Variants in TCF12 observed in about 807,000 individuals in gnomAD.
The protein encoded by TCF12 is DNA-binding protein HTF4.
A neutral mutation model predicts 86.0 loss-of-function variants in TCF12; 45 were observed. The ratio of observed to expected loss-of-function variants is 0.52; its 90% CI spans 0.41 to 0.67. The LOEUF (loss-of-function observed/expected upper bound fraction) is 0.67, where lower values mean the gene tolerates loss of function less well. Ranked by LOEUF, TCF12 falls within the 30% of genes least tolerant of loss-of-function variation. The pLI, the probability that TCF12 is intolerant of heterozygous loss-of-function variation, is 0.00. For synonymous variants in TCF12, 330 were observed against 299.6 expected (o/e 1.10, Z -1.05); for missense variants, 881 against 859.9 (o/e 1.02, Z -0.31).
At chr15:57,089,989 A>G (rs1407472399) in intron 4 of TCF12, among the ~76,000 whole-genome samples, 5 of 152,102 alleles carry the variant, frequency 3.3e-5, no homozygotes, top group Non-Finnish European at 5.9e-5. Context: ...CCAAGGCTGG[A>G]GGGTCTCTTG....
chr15:57,248,691 CGT>C (rs2059973016), intron 13 of TCF12, among the ~76,000 whole-genome samples: 1 of 152,182 alleles, frequency 6.6e-6, no homozygotes, highest in Non-Finnish European at 1.5e-5. Flanking sequence ...TAACAAAGTG[CGT>C]TACACTGGAA....
intron 5 of TCF12, among the ~76,000 whole-genome samples, chr15:57,131,459 C>T (rs1457703118): frequency 1.3e-5 from 2 of 152,086 alleles, no homozygotes; most frequent in Admixed American, 1.3e-4. Flanking sequence ...GGTGGTGTTA[C>T]TCTGTTTAGA....
At chr15:57,274,641 G>A (rs2061296045) in intron 19 of TCF12, among the ~76,000 whole-genome samples, 1 of 152,100 alleles carries the variant, frequency 6.6e-6, no homozygotes, top group Admixed American at 6.5e-5. Flanking sequence ...AAGGCAGCAA[G>A]GCACCTATGT....
intron 3 of TCF12, among the ~76,000 whole-genome samples, chr15:57,050,931 G>A (rs946138949): frequency 6.6e-6 from 1 of 152,092 alleles, no homozygotes; most frequent in Non-Finnish European, 1.5e-5. Flanking sequence ...TAAAGTGTTT[G>A]AATATTTATA....
chr15:57,195,134 C>T (rs146141103), intron 7 of TCF12, among the ~76,000 whole-genome samples: 2,077 of 152,236 alleles, frequency 0.014, 53 homozygotes, highest in African/African-American at 0.043. Flanking sequence ...AACTCCTGAC[C>T]TCAAGTGGTC....
At position 57,196,837 on chromosome 15, in the gene TCF12, A is replaced by G. The variant is rs1018851622; in HGVS notation, c.527-936A>G. ...TTGTGGTTATAGCCACATAATGTTA[A>G]AAGTAAATGTGTCAAATACTGAATG... On this transcript the variant is annotated intron_variant, in intron 7 of 20. Transcript: ENST00000333725. Among the ~76,000 whole-genome samples, 21 of 152,220 alleles carry G rather than the reference A, an allele frequency of 1.4e-4. 1 individual carries two copies. The highest frequency in any genetic ancestry group is 9.8e-4 in the Admixed American group (15 of 15,278).
At position 57,075,804 on chromosome 15, in the gene TCF12, T is replaced by TTCTCTCTCTCTCTCTCTC. The variant is rs1244304206; in HGVS notation, c.222+11995_222+12012dup. ...TTTCTTTCTTTCTTTCTTTCTTTCTTTCTCTCTCTCTCTCTCTCTCTCTCT... is the reference window on the plus strand; with the variant it reads ...TTTCTTTCTTTCTTTCTTTCTTTCTTTCTCTCTCTCTCTCTCTCTCTCTCTCTCTCTCTCTCTCTCTCT... On this transcript the variant is annotated intron_variant, in intron 4 of 20. Transcript: ENST00000333725. Among the ~76,000 whole-genome samples, 212 of 28,582 alleles carry TTCTCTCTCTCTCTCTCTC rather than the reference T, an allele frequency of 7.4e-3. 7 individuals are homozygous for TTCTCTCTCTCTCTCTCTC. Among genetic ancestry groups the TTCTCTCTCTCTCTCTCTC allele is most frequent in the East Asian group, 0.022 (15 of 688 alleles). The allele number at this position is 28,582 out of a possible 152,430, so 18.8% of individuals were successfully genotyped here. A position where few individuals can be genotyped will look rare whatever the true frequency, so the allele number is the denominator to read the frequency against.
At chr15:57,078,611 C>T (rs1174721383) in intron 4 of TCF12, among the ~76,000 whole-genome samples, 2 of 150,918 alleles carry the variant, frequency 1.3e-5, no homozygotes, top group Non-Finnish European at 2.9e-5. Flanking sequence ...TATCACACTT[C>T]CATATGCATA....
intron 5 of TCF12, among the ~76,000 whole-genome samples, chr15:57,104,326 G>A (rs1313161892): frequency 6.6e-6 from 1 of 151,912 alleles, no homozygotes; most frequent in Non-Finnish European, 1.5e-5. Flanking sequence ...AAATATTATT[G>A]GCAGACTTTT....
chr15:57,262,374 A>G (rs1567009371), intron 17 of TCF12, among the ~76,000 whole-genome samples, 166 bp downstream of exon 17: 1 of 152,136 alleles, frequency 6.6e-6, no homozygotes, highest in African/African-American at 2.4e-5. Flanking sequence ...TGGCCCACCT[A>G]GGTTGACAAT....
rs554220292 is a variant in TCF12, at chr15:57,151,417, C to T, written c.326-14985C>T. 2.0e-5 allele frequency among the ~76,000 whole-genome samples: 3 copies of T among 152,064 alleles called. No homozygotes were observed. The East Asian group carries it at 5.8e-4, about 29-fold the overall frequency. On this transcript the variant is annotated intron_variant, in intron 5 of 20. Transcript: ENST00000333725. ...TGTAGGCATAGAAACAGAAACTATC[C>T]AAAATGAAGATCAGAGGACCTCCAG...
intron 3 of TCF12, among the ~76,000 whole-genome samples, chr15:57,050,311 ACT>A (rs774702443): frequency 1.3e-5 from 2 of 151,446 alleles, no homozygotes; most frequent in African/African-American, 2.4e-5. Flanking sequence ...CAGCCTAAAA[ACT>A]CTATTTAGTA....
chr15:57,233,523 G>GTCTCACTCTCTCAGCTC (rs2059255628), intron 11 of TCF12, among the ~76,000 whole-genome samples: 1 of 151,750 alleles, frequency 6.6e-6, no homozygotes, highest in Non-Finnish European at 1.5e-5. Flanking sequence ...TTGAGACAGG[G>GTCTCACTCTCTCAGCTC]TCTCACTCTC....
chr15:56,988,943 G>T (rs1470879440), intron 3 of TCF12, among the ~76,000 whole-genome samples: 1 of 151,910 alleles, frequency 6.6e-6, no homozygotes, highest in African/African-American at 2.4e-5. Flanking sequence ...GATATTTTTG[G>T]TCTATATTTT....
chr15:57,014,421 C>CAAA (rs140363284), intron 3 of TCF12, among the ~76,000 whole-genome samples: 25 of 145,394 alleles, frequency 1.7e-4, no homozygotes, highest in South Asian at 8.7e-4. Context: ...AAAATTGACT[C>CAAA]AAAAAAAAAA....
chr15:57,233,328 AC>A (rs2059245182), intron 11 of TCF12, among the ~76,000 whole-genome samples: 3 of 151,720 alleles, frequency 2.0e-5, no homozygotes, highest in African/African-American at 7.3e-5. Context: ...GGCATGTACC[AC>A]CATACTCAGC....
chr15:57,221,381 G>GT (rs773761903), intron 8 of TCF12, among the ~76,000 whole-genome samples: 1,702 of 50,980 alleles, frequency 0.033, 29 homozygotes, highest in African/African-American at 0.077. Context: ...GTATGTGTGT[G>GT]GGGTGTGTGT....
intron 3 of TCF12, among the ~76,000 whole-genome samples, chr15:57,014,808 T>C (rs990585626): frequency 4.0e-5 from 6 of 151,894 alleles, no homozygotes; most frequent in African/African-American, 1.5e-4. Flanking sequence ...TTCCCTACAG[T>C]GGTCCTTATG....
intron 3 of TCF12, among the ~76,000 whole-genome samples, chr15:57,032,579 G>A (rs1474539357): frequency 2.0e-5 from 3 of 151,988 alleles, no homozygotes; most frequent in East Asian, 1.9e-4. Context: ...CAGGCATATG[G>A]GACTACAGGC....
Sources: allele counts gnomAD v4.1 joint callset (sites outside exome capture counted in the v4.1 genomes callset), GRCh38; gene constraint gnomAD v4.1.1; transcripts MANE v1.5; gene names NCBI Gene and HGNC (gene_info 2026-07-23, HGNC 2026-07-21).